The following SLC9C2 variants were observed in gnomAD, a reference collection of about 807,000 sequenced individuals.
The protein encoded by SLC9C2 is sodium/hydrogen exchanger 11.
In SLC9C2, 75 loss-of-function variants were observed where a neutral mutation model predicts 140.2. The ratio of observed to expected loss-of-function variants is 0.53; its 90% CI spans 0.44 to 0.65. The LOEUF is 0.65. Among genes scored for constraint, SLC9C2 ranks in the 30% least tolerant of loss-of-function variants. The pLI, the probability that SLC9C2 is intolerant of heterozygous loss-of-function variation, is 0.00. For missense variants in SLC9C2, 1,074 were observed against 1,331.8 expected (o/e 0.81, Z 3.01); for synonymous variants, 375 against 420.9 (o/e 0.89, Z 1.34).
In SLC9C2 at chr1:173,554,772, T is replaced by C; in HGVS notation, c.1258A>G (p.Ile420Val). The change falls in exon 11 of 28, where the codon ATA becomes GTA. Residue 420 changes from isoleucine (I) to valine (V), a missense_variant. Ile to Val is a conservative substitution (Grantham distance 29, BLOSUM62 3). Transcript: ENST00000367714. ...GACTGAGTCATCACGTATGAATTTATTCCCATTGTCAATAATGATATTACT... is the reference window on the plus strand; with the variant it reads ...GACTGAGTCATCACGTATGAATTTACTCCCATTGTCAATAATGATATTACT... ...VQVISLLTMG[I>V]NSYVMTQSAR... 1 of 1,609,524 alleles carries C rather than the reference T, an allele frequency of 6.2e-7. No homozygotes were observed. The highest frequency in any genetic ancestry group is 2.2e-5 in the East Asian group (1 of 44,826).
Position 173,521,334 on chromosome 1 carries a change from T to C in SLC9C2, c.2706A>G (p.Gln902=). 2 of 1,551,758 alleles carry C rather than the reference T, an allele frequency of 1.3e-6. No individual in the cohort carries two copies. The highest frequency in any genetic ancestry group is 2.1e-5 in the Admixed American group (1 of 48,128). The change falls in exon 22 of 28, where the codon CAA becomes CAG. Residue 902 remains glutamine, a synonymous_variant. Transcript: ENST00000367714. ...DTICKGGEMP[Q]GIYLIISGMA... ...TTCCTGAAATAATTAAGTAGATTCC[T>C]TGTGGCATTTCACCTCCTTTACAAA...
chr1:173,505,162 A>G lies in SLC9C2; in HGVS notation c.3310+85T>C, dbSNP rs537378881. 26 of 1,164,596 alleles carry G rather than the reference A, an allele frequency of 2.2e-5. No individual in the cohort carries two copies. In the East Asian group the frequency reaches 6.2e-4, roughly 28 times the overall value. The allele number at this position is 1,164,596 out of a possible 1,614,324, so 72.1% of individuals were successfully genotyped here. On this transcript the variant is annotated intron_variant, in intron 26 of 27. Coordinates refer to ENST00000367714, the MANE Select transcript of SLC9C2 (RefSeq NM_178527.4). ...ATAAACCCACATAGTGCCCTCTCAAATCACTTTCTTAGAGTTAAAGGAATT... is the reference window on the plus strand; with the variant it reads ...ATAAACCCACATAGTGCCCTCTCAAGTCACTTTCTTAGAGTTAAAGGAATT...
chr1:173,600,965 T>A (rs16846287), intron 2 of SLC9C2, among the ~76,000 whole-genome samples: 3,942 of 152,270 alleles, frequency 0.026, 182 homozygotes, highest in African/African-American at 0.091. Context: ...TAATCCCTAG[T>A]GTTGAATTGT....
chr1:173,511,145 T>C (rs1236969271), intron 23 of SLC9C2, among the ~76,000 whole-genome samples: 1 of 147,078 alleles, frequency 6.8e-6, no homozygotes, highest in Non-Finnish European at 1.5e-5. Flanking sequence ...GCAATTCTCC[T>C]GCCTCAGCCA....
At chr1:173,520,408 C>A (rs1660726108) in intron 22 of SLC9C2, among the ~76,000 whole-genome samples, 1 of 152,296 alleles carries the variant, frequency 6.6e-6, no homozygotes, top group African/African-American at 2.4e-5. Flanking sequence ...CAACTAATCT[C>A]TTCATACCTC....
intron 18 of SLC9C2, among the ~76,000 whole-genome samples, chr1:173,526,924 C>A (rs918043544): frequency 1.3e-5 from 2 of 152,094 alleles, no homozygotes; most frequent in Non-Finnish European, 1.5e-5. Context: ...CAGCTCACTG[C>A]AACCTCCACT....
At chr1:173,543,121 C>G (rs957385541) in intron 13 of SLC9C2, among the ~76,000 whole-genome samples, 2 of 152,154 alleles carry the variant, frequency 1.3e-5, no homozygotes, top group Non-Finnish European at 2.9e-5. Flanking sequence ...CATTGTCTCA[C>G]CCCAAATCTC....
At chr1:173,585,320 T>C (rs897122879) in intron 5 of SLC9C2, among the ~76,000 whole-genome samples, 3 of 152,210 alleles carry the variant, frequency 2.0e-5, no homozygotes, top group African/African-American at 4.8e-5. Context: ...ACTATTAACA[T>C]TATAGAAATT....
intron 18 of SLC9C2, among the ~76,000 whole-genome samples, chr1:173,529,685 T>C (rs909803683): frequency 4.0e-5 from 6 of 150,852 alleles, no homozygotes; most frequent in Non-Finnish European, 5.9e-5. Flanking sequence ...AGATCATATG[T>C]TTTCTGCCAT....
chr1:173,584,707 A>ATTATCAAATT (rs1316203160), intron 5 of SLC9C2, among the ~76,000 whole-genome samples: 12 of 152,216 alleles, frequency 7.9e-5, no homozygotes, highest in Admixed American at 7.8e-4. Context: ...AGCTTTCATT[A>ATTATCAAATT]TTATCAAATT....
intron 4 of SLC9C2, among the ~76,000 whole-genome samples, chr1:173,590,242 C>CA (rs1276203820): frequency 0.18 from 17,430 of 95,138 alleles, 3,859 homozygotes; most frequent in African/African-American, 0.51. Flanking sequence ...GACTCCATCT[C>CA]AAAAAAAAAA....
At chr1:173,504,105 G>A (rs959630355) in intron 26 of SLC9C2, among the ~76,000 whole-genome samples, 2 of 152,152 alleles carry the variant, frequency 1.3e-5, no homozygotes, top group Non-Finnish European at 2.9e-5. Context: ...AAGCAGCAGA[G>A]CGGCAGACCT....
At chr1:173,579,282 C>A (rs1041738320) in intron 7 of SLC9C2, among the ~76,000 whole-genome samples, 2 of 152,194 alleles carry the variant, frequency 1.3e-5, no homozygotes, top group Non-Finnish European at 2.9e-5. Flanking sequence ...AGACCTGGTA[C>A]CTGCTCAGGA....
At chr1:173,518,096 T>TA (rs1009995859) in intron 22 of SLC9C2, among the ~76,000 whole-genome samples, 8 of 150,426 alleles carry the variant, frequency 5.3e-5, no homozygotes, top group Admixed American at 1.3e-4. Flanking sequence ...CCGTCTCTGC[T>TA]AAAAAAAAAT....
chr1:173,584,830 T>C (rs891580175), intron 5 of SLC9C2, among the ~76,000 whole-genome samples: 10 of 152,152 alleles, frequency 6.6e-5, no homozygotes, highest in African/African-American at 2.2e-4. Flanking sequence ...TGATGCTCAG[T>C]TCATGTTTTC....
chr1:173,517,646 G>C lies in SLC9C2; in HGVS notation c.2798C>G (p.Ser933Cys). The C allele has an allele frequency of 6.2e-7, 1 of 1,613,852 alleles. No homozygotes were observed. The highest frequency in any genetic ancestry group is 8.5e-7 in the Non-Finnish European group (1 of 1,179,944). ...IESNQRCDRG[S>C]RDMFTEFCTT... ...ACAGAACTCTGTAAACATGTCTCTG[G>C]ACCCTCTATCACACCTTTGATTACT... is the stretch of plus-strand genomic sequence containing the variant. Residue 933 changes from serine (S) to cysteine (C), a missense_variant, in exon 23 of 28, where the codon TCC (serine) becomes TGC (cysteine). Physicochemically the swap from Ser to Cys is moderately radical, Grantham distance 112 (BLOSUM62 -1). Transcript: ENST00000367714.
At chr1:173,540,724 C>A (rs545771238) in intron 13 of SLC9C2, among the ~76,000 whole-genome samples, 1 of 152,130 alleles carries the variant, frequency 6.6e-6, no homozygotes, top group South Asian at 2.1e-4. Context: ...TTTTTGTTAG[C>A]TTCATATGAT....
intron 5 of SLC9C2, among the ~76,000 whole-genome samples, chr1:173,584,485 A>G (rs1263744000): frequency 6.6e-6 from 1 of 152,102 alleles, no homozygotes; most frequent in Non-Finnish European, 1.5e-5. Context: ...TCTTCATTTT[A>G]CCTTCTCTTT....
chr1:173,508,298 T>C (rs1402726695), intron 24 of SLC9C2, among the ~76,000 whole-genome samples: 7 of 151,440 alleles, frequency 4.6e-5, no homozygotes, highest in African/African-American at 1.7e-4. Flanking sequence ...AAGTATTAAA[T>C]AGAGATTCTC....
Sources: allele counts gnomAD v4.1 joint callset (sites outside exome capture counted in the v4.1 genomes callset), GRCh38; gene constraint gnomAD v4.1.1; transcripts MANE v1.5; gene names NCBI Gene and HGNC (gene_info 2026-07-23, HGNC 2026-07-21).